CAMTA1: variants seen among roughly 807,000 people sequenced by gnomAD.
The protein encoded by CAMTA1 is calmodulin binding transcription activator 1.
In CAMTA1, 27 loss-of-function variants were observed where a neutral mutation model predicts 170.9. The observed-to-expected ratio is 0.16, with a 90% confidence interval of 0.12 to 0.22. CAMTA1 has a LOEUF of 0.22. CAMTA1 is among the 10% of genes least tolerant of loss of function. The pLI is 1.00. For missense variants in CAMTA1, 1,619 were observed against 2,217.2 expected (o/e 0.73, Z 5.42); for synonymous variants, 833 against 891.5 (o/e 0.93, Z 1.17).
chr1:7,192,021 G>T (rs959040209), intron 4 of CAMTA1, among the ~76,000 whole-genome samples: 6 of 148,962 alleles, frequency 4.0e-5, no homozygotes, highest in Admixed American at 3.9e-4. Context: ...CCATTAGCTT[G>T]TTGGGGGCTG....
chr1:7,375,249 G>A (rs1208652775), intron 5 of CAMTA1, among the ~76,000 whole-genome samples: 1 of 152,122 alleles, frequency 6.6e-6, no homozygotes, highest in Non-Finnish European at 1.5e-5. Flanking sequence ...GGGAGATAGG[G>A]CACCGTGGGG....
At chr1:7,277,914 C>T (rs751700445) in intron 5 of CAMTA1, among the ~76,000 whole-genome samples, 5 of 152,074 alleles carry the variant, frequency 3.3e-5, no homozygotes, top group Admixed American at 6.6e-5. Flanking sequence ...TGACATTAGA[C>T]ATTGAGACTA....
intron 6 of CAMTA1, among the ~76,000 whole-genome samples, chr1:7,628,914 C>A (rs1158496824): frequency 6.6e-6 from 1 of 152,222 alleles, no homozygotes; most frequent in African/African-American, 2.4e-5. Flanking sequence ...GGTATGGTGA[C>A]TGCAGCCCTC....
chr1:7,049,389 G>T (rs1395430520), intron 3 of CAMTA1, among the ~76,000 whole-genome samples: 1 of 152,112 alleles, frequency 6.6e-6, no homozygotes, highest in Non-Finnish European at 1.5e-5. Flanking sequence ...AAGTGTGATC[G>T]ATCCTGCTAT....
At chr1:7,102,546 G>T in intron 4 of CAMTA1, among the ~76,000 whole-genome samples, 1 of 152,218 alleles carries the variant, frequency 6.6e-6, no homozygotes, top group East Asian at 1.9e-4. Flanking sequence ...TCTGGAGAAC[G>T]ACGTCTAGGC....
intron 3 of CAMTA1, among the ~76,000 whole-genome samples, 179 bp downstream of exon 3, chr1:6,825,389 T>A (rs1400332930): frequency 6.6e-6 from 1 of 152,246 alleles, no homozygotes; most frequent in African/African-American, 2.4e-5. Flanking sequence ...GATCTGTCTC[T>A]GATCTGCTTG....
intron 4 of CAMTA1, among the ~76,000 whole-genome samples, chr1:7,161,139 C>A (rs772956760): frequency 6.6e-6 from 1 of 152,196 alleles, no homozygotes; most frequent in African/African-American, 2.4e-5. Flanking sequence ...CTTTCCTCTG[C>A]TCTCAAACAA....
At chr1:6,829,753 G>A (rs1184042799) in intron 3 of CAMTA1, among the ~76,000 whole-genome samples, 4 of 152,178 alleles carry the variant, frequency 2.6e-5, no homozygotes, top group East Asian at 1.9e-4. Flanking sequence ...GCTGCAGCCC[G>A]ACTTTGAGTC....
At chr1:7,616,375 G>T (rs1362178704) in intron 6 of CAMTA1, among the ~76,000 whole-genome samples, 1 of 152,208 alleles carries the variant, frequency 6.6e-6, no homozygotes, top group African/African-American at 2.4e-5. Flanking sequence ...CCCACGTCTT[G>T]GGTAGTCGTG....
At chr1:6,799,066 C>G (rs1290612884) in intron 1 of CAMTA1, among the ~76,000 whole-genome samples, 1 of 151,890 alleles carries the variant, frequency 6.6e-6, no homozygotes, top group East Asian at 1.9e-4. Context: ...TTATTCGTTA[C>G]TTATTATTAA....
At chr1:7,365,155 C>T (rs1364800232) in intron 5 of CAMTA1, among the ~76,000 whole-genome samples, 1 of 152,212 alleles carries the variant, frequency 6.6e-6, no homozygotes, top group Non-Finnish European at 1.5e-5. Context: ...CAGAGGTTGT[C>T]GGGAGGGAGG....
intron 3 of CAMTA1, among the ~76,000 whole-genome samples, chr1:6,882,201 A>G (rs1479707315): frequency 2.6e-5 from 4 of 152,186 alleles, no homozygotes; most frequent in Non-Finnish European, 4.4e-5. Context: ...TTCCAGTTCT[A>G]TTGAAACAGA....
chr1:7,337,993 A>G (rs2083517468), intron 5 of CAMTA1, among the ~76,000 whole-genome samples: 2 of 151,216 alleles, frequency 1.3e-5, no homozygotes, highest in South Asian at 2.1e-4. Flanking sequence ...GTGTATATAT[A>G]CTATATATAG....
chr1:7,414,599 G>C (rs1422530852), intron 5 of CAMTA1, among the ~76,000 whole-genome samples: 1 of 152,096 alleles, frequency 6.6e-6, no homozygotes, highest in African/African-American at 2.4e-5. Flanking sequence ...GGGATCGGTG[G>C]TGATATCCCC....
intron 5 of CAMTA1, among the ~76,000 whole-genome samples, chr1:7,329,996 G>A (rs2082922499): frequency 1.3e-5 from 2 of 152,156 alleles, no homozygotes; most frequent in Non-Finnish European, 2.9e-5. Context: ...AGATTTCCAG[G>A]CTGTTCTTGG....
chr1:6,960,333 G>T (rs1280011749), intron 3 of CAMTA1, among the ~76,000 whole-genome samples: 1 of 152,144 alleles, frequency 6.6e-6, no homozygotes, highest in East Asian at 1.9e-4. Flanking sequence ...AGAAACAGAG[G>T]CCTGGCCTGG....
At chr1:6,835,324 T>C (rs116179833) in intron 3 of CAMTA1, among the ~76,000 whole-genome samples, 2,530 of 152,296 alleles carry the variant, frequency 0.017, 26 homozygotes, top group Non-Finnish European at 0.025. Context: ...AGACAGTTTA[T>C]TGGTGGAGTT....
intron 4 of CAMTA1, among the ~76,000 whole-genome samples, chr1:7,235,695 T>C (rs766522586): frequency 6.6e-6 from 1 of 152,198 alleles, no homozygotes; most frequent in Non-Finnish European, 1.5e-5. Context: ...AGCACCAGCT[T>C]CTGGGCCCTG....
At chr1:6,848,557 G>A (rs1015555889) in intron 3 of CAMTA1, among the ~76,000 whole-genome samples, 28 of 152,176 alleles carry the variant, frequency 1.8e-4, no homozygotes, top group Admixed American at 1.6e-3. Context: ...AGTCTGGTGA[G>A]GAATCCATCC....
Sources: allele counts gnomAD v4.1 joint callset (sites outside exome capture counted in the v4.1 genomes callset), GRCh38; gene constraint gnomAD v4.1.1; transcripts MANE v1.5; gene names NCBI Gene and HGNC (gene_info 2026-07-23, HGNC 2026-07-21).